The following GALNT18 variants were observed in gnomAD, a reference collection of about 807,000 sequenced individuals.
GALNT18 encodes the protein GalNAc-transferase 18.
A neutral mutation model predicts 69.5 loss-of-function variants in GALNT18; 44 were observed. That is an observed-to-expected ratio of 0.63 (90% CI 0.50 to 0.81). The LOEUF (loss-of-function observed/expected upper bound fraction) is 0.81. Ranked by LOEUF, GALNT18 falls within the 40% of genes least tolerant of loss-of-function variation. The probability of loss-of-function intolerance (pLI) is 0.00; values close to 1 mark genes in which losing one functional copy is unlikely to be tolerated. For missense variants in GALNT18, 715 were observed against 810.0 expected (o/e 0.88, Z 1.42); for synonymous variants, 364 against 318.2 (o/e 1.14, Z -1.53).
At chr11:11,495,718 G>C (rs1856855700) in intron 1 of GALNT18, among the ~76,000 whole-genome samples, 1 of 152,166 alleles carries the variant, frequency 6.6e-6, no homozygotes, top group African/African-American at 2.4e-5. Context: ...GACCCACCAG[G>C]AACAAGCCAG....
At chr11:11,342,841 C>T (rs1850233731) in intron 6 of GALNT18, among the ~76,000 whole-genome samples, 1 of 152,194 alleles carries the variant, frequency 6.6e-6, no homozygotes, top group Non-Finnish European at 1.5e-5. Context: ...TCTGTTTCCT[C>T]CTCTCCATGG....
intron 1 of GALNT18, among the ~76,000 whole-genome samples, chr11:11,492,734 C>T (rs920895360): frequency 5.2e-5 from 3 of 57,338 alleles, no homozygotes; most frequent in African/African-American, 1.5e-4. Context: ...CATCACATAC[C>T]GGGGCCTTTC....
intron 1 of GALNT18, among the ~76,000 whole-genome samples, chr11:11,527,253 T>A (rs1435847173): frequency 6.6e-6 from 1 of 152,204 alleles, no homozygotes; most frequent in Non-Finnish European, 1.5e-5. Flanking sequence ...TTTCTCTGCA[T>A]GAAGAAAATC....
At position 11,332,666 on chromosome 11, in the gene GALNT18, T is replaced by G. The variant is rs760304514; in HGVS notation, c.1416+28A>C. On this transcript the variant is annotated intron_variant, in intron 8 of 10. Transcript: ENST00000227756. The surrounding 1 kb of genome is among the most constrained non-coding windows in gnomAD (Gnocchi z 4.3). ...ATGTTTCTTTCTGTCTGTGTCTGAA[T>G]GAAACCCGGAGGAGGCCAGCTCCTT... The G allele has an allele frequency of 3.1e-6, 5 of 1,611,766 alleles. No individual in the cohort carries two copies. In the Middle Eastern group the frequency reaches 5.0e-4, roughly 160 times the overall value.
chr11:11,499,817 G>C (rs569337713), intron 1 of GALNT18, among the ~76,000 whole-genome samples: 1 of 152,270 alleles, frequency 6.6e-6, no homozygotes, highest in East Asian at 1.9e-4. Context: ...GAAATTGTTG[G>C]GGTTGGGGTG....
chr11:11,528,845 T>A (rs1307322487), intron 1 of GALNT18, among the ~76,000 whole-genome samples: 4 of 152,204 alleles, frequency 2.6e-5, no homozygotes, highest in African/African-American at 9.6e-5. Flanking sequence ...TCAAAGATAA[T>A]GCCCAAGCCT....
At position 11,413,524 on chromosome 11, in the gene GALNT18, T is replaced by C. The variant is rs1347374271; in HGVS notation, c.595+19097A>G. ...ACATTAGACTGCAATTTCAGGTTTA[T>C]ATAATTTGGTGCTTAATGCACCGTA... On this transcript the variant is annotated intron_variant, in intron 3 of 10. Coordinates refer to ENST00000227756, the MANE Select transcript of GALNT18 (RefSeq NM_198516.3). The surrounding 1 kb of genome is among the most constrained non-coding windows in gnomAD (Gnocchi z 4.7). Among the ~76,000 whole-genome samples, 1 of 152,220 alleles carries C rather than the reference T, an allele frequency of 6.6e-6. No homozygotes were observed.
rs114561967 is a variant in GALNT18, at chr11:11,404,647, C to A, written c.596-25383G>T. 1.3e-5 allele frequency among the ~76,000 whole-genome samples: 2 copies of A among 152,156 alleles called. No homozygotes were observed. Among genetic ancestry groups the A allele is most frequent in the African/African-American group, 4.8e-5 (2 of 41,426 alleles). ...GGAATTCCTCTCAAGCTTTACTGCC[C>A]GCAGCCATATTCTCATTCAAATGGG... On this transcript the variant is annotated intron_variant, in intron 3 of 10. Coordinates refer to ENST00000227756, the MANE Select transcript of GALNT18 (RefSeq NM_198516.3). This position sits in a 1 kb window ranked among gnomAD's most constrained non-coding sequence, Gnocchi z 4.5.
intron 1 of GALNT18, among the ~76,000 whole-genome samples, chr11:11,539,726 G>A (rs565812772): frequency 1.3e-5 from 2 of 152,278 alleles, no homozygotes; most frequent in South Asian, 4.1e-4. Flanking sequence ...TTTATTTACT[G>A]GCCATGAAAG....
At chr11:11,569,249 A>G (rs1858727612) in intron 1 of GALNT18, among the ~76,000 whole-genome samples, 1 of 118,930 alleles carries the variant, frequency 8.4e-6, no homozygotes, top group Admixed American at 9.2e-5. Flanking sequence ...GCTGAAGGGA[A>G]AAAAAAAAAA....
intron 9 of GALNT18, among the ~76,000 whole-genome samples, chr11:11,308,157 A>G (rs1042175900): frequency 6.6e-6 from 1 of 152,182 alleles, no homozygotes; most frequent in Non-Finnish European, 1.5e-5. Context: ...AAAATCTTCA[A>G]TGGTTCTATC....
Position 11,362,921 on chromosome 11 carries a change from A to G in GALNT18, c.1092+9594T>C, listed in dbSNP as rs1370284399. The stretch of plus-strand genomic sequence containing the variant: ...ATTATAGCACTATGCTCTCAAAAGG[A>G]AATTGGTAGAACAAACTATAAAATG... On this transcript the variant is annotated intron_variant, in intron 6 of 10. Transcript: ENST00000227756. 2.0e-5 allele frequency among the ~76,000 whole-genome samples: 3 copies of G among 152,236 alleles called. No homozygotes were observed. In the East Asian group the frequency reaches 5.8e-4, roughly 29 times the overall value.
At position 11,356,801 on chromosome 11, in the gene GALNT18, G is replaced by A. The variant is rs866223717; in HGVS notation, c.1092+15714C>T. ...AATTGTTCTTGGGCACTCTCCTTCTGCTCCCCACCATTTCTAGCTAATCAC... is the reference window on the plus strand; with the variant it reads ...AATTGTTCTTGGGCACTCTCCTTCTACTCCCCACCATTTCTAGCTAATCAC... On this transcript the variant is annotated intron_variant, in intron 6 of 10. Coordinates refer to ENST00000227756, the MANE Select transcript of GALNT18 (RefSeq NM_198516.3). This position sits in a 1 kb window ranked among gnomAD's most constrained non-coding sequence, Gnocchi z 4.4. 9.2e-5 allele frequency among the ~76,000 whole-genome samples: 14 copies of A among 152,240 alleles called. No individual in the cohort carries two copies. The highest frequency in any genetic ancestry group is 8.3e-4 in the South Asian group (4 of 4,808).
At chr11:11,426,460 A>G (rs1855132756) in intron 3 of GALNT18, among the ~76,000 whole-genome samples, 1 of 152,210 alleles carries the variant, frequency 6.6e-6, no homozygotes, top group Non-Finnish European at 1.5e-5. Flanking sequence ...GCTAAAATGC[A>G]GGTTTCAGGC....
chr11:11,340,885 C>G lies in GALNT18; in HGVS notation c.1212G>C (p.Arg404Ser). Residue 404 changes from arginine (R) to serine (S), a missense_variant, in exon 7 of 11, where the codon AGG becomes AGC. Coordinates refer to ENST00000227756, the MANE Select transcript of GALNT18 (RefSeq NM_198516.3). This position sits in a 1 kb window ranked among gnomAD's most constrained non-coding sequence, Gnocchi z 4.2. ...LTAHVRRNAL[R>S]VAEVWMDEFK... The stretch of plus-strand genomic sequence containing the variant: ...ATTCATCCATCCAGACTTCAGCCAC[C>G]CTGAGAGCGTTCCTGCGGACATGGG... 4 of 1,614,084 alleles carry G rather than the reference C, an allele frequency of 2.5e-6. No individual in the cohort carries two copies. Among genetic ancestry groups the G allele is most frequent in the Non-Finnish European group, 3.4e-6 (4 of 1,179,972 alleles).
At position 11,620,351 on chromosome 11, in the gene GALNT18, A is replaced by ATGTGTG. The variant is rs1158290164; in HGVS notation, c.235+1007_235+1008insCACACA. 0.031 allele frequency among the ~76,000 whole-genome samples: 4,707 copies of ATGTGTG among 151,054 alleles called. 239 individuals are homozygous for ATGTGTG. The highest frequency in any genetic ancestry group is 0.11 in the African/African-American group (4,375 of 40,786). On this transcript the variant is annotated intron_variant, in intron 1 of 10. Transcript: ENST00000227756. This position sits in a 1 kb window ranked among gnomAD's most constrained non-coding sequence, Gnocchi z 6.9. ...CGCGCGCGTGTGTGTGTGTGTGTGCACACCCGGCACCAGTGCTCCTGGCGC... is the reference window on the plus strand; with the variant it reads ...CGCGCGCGTGTGTGTGTGTGTGTGCATGTGTGCACCCGGCACCAGTGCTCCTGGCGC...
intron 3 of GALNT18, among the ~76,000 whole-genome samples, chr11:11,386,302 A>T (rs1168990706): frequency 6.6e-6 from 1 of 152,102 alleles, no homozygotes; most frequent in East Asian, 1.9e-4. Flanking sequence ...TGCCCATGGT[A>T]TTAGCTTTCT....
At chr11:11,352,798 T>C in intron 6 of GALNT18, 1 of 1,614,050 alleles carries the variant, frequency 6.2e-7, no homozygotes, top group Non-Finnish European at 8.5e-7. Flanking sequence ...AAGGCGGGGG[T>C]TCGTGACACA....
intron 3 of GALNT18, among the ~76,000 whole-genome samples, chr11:11,392,773 C>A (rs764002052): frequency 1.3e-5 from 2 of 152,182 alleles, no homozygotes; most frequent in Non-Finnish European, 2.9e-5. Context: ...TCTGCAAGTT[C>A]AACAGCATTA....
Sources: gnomAD v4.1 joint callset for allele counts (sites outside exome capture counted in the v4.1 genomes callset) on GRCh38, gnomAD v4.1.1 for gene constraint, Gnocchi (gnomAD v3.1) non-coding constraint, MANE v1.5 for transcripts, NCBI Gene and HGNC (gene_info 2026-07-23, HGNC 2026-07-21) for gene names.